The following ERC2 variants were observed in gnomAD, a reference collection of about 807,000 sequenced individuals.
ERC2 encodes the protein ELKS/RAB6-interacting/CAST family member 2.
ERC2 carries 42 observed loss-of-function variants against 114.8 expected under a neutral mutation model. The ratio of observed to expected loss-of-function variants is 0.37; its 90% confidence interval spans 0.29 to 0.47. ERC2 has a LOEUF of 0.47. Among genes scored for constraint, ERC2 ranks in the 20% least tolerant of loss-of-function variants. The pLI is 0.99. For synonymous variants in ERC2, 454 were observed against 425.5 expected, an observed-to-expected ratio of 1.07 and a Z score of -0.82; for missense variants, 939 against 1,150.7, an observed-to-expected ratio of 0.82 and a Z score of 2.66.
chr3:55,562,799 T>C (rs886982733), intron 17 of ERC2, among the ~76,000 whole-genome samples: 1 of 152,080 alleles, frequency 6.6e-6, no homozygotes, highest in African/African-American at 2.4e-5. Flanking sequence ...TCCATGCTAA[T>C]ACCTGTGTTT....
intron 1 of ERC2, among the ~76,000 whole-genome samples, chr3:56,444,897 A>G (rs1257838000): frequency 6.6e-6 from 1 of 152,126 alleles, no homozygotes; most frequent in Non-Finnish European, 1.5e-5. Flanking sequence ...GTCACAGACT[A>G]CTAATTCTAA....
At chr3:55,912,681 T>C (rs1290036307) in intron 13 of ERC2, among the ~76,000 whole-genome samples, 1 of 151,368 alleles carries the variant, frequency 6.6e-6, no homozygotes, top group East Asian at 1.9e-4. Flanking sequence ...GAATTAACAG[T>C]GGTTTTCCTT....
At chr3:56,195,530 T>C (rs557305562) in intron 3 of ERC2, among the ~76,000 whole-genome samples, 2 of 143,468 alleles carry the variant, frequency 1.4e-5, no homozygotes, top group African/African-American at 5.2e-5. Flanking sequence ...TTCTCTCCAA[T>C]TAAAATAGGA....
At chr3:55,575,928 G>A (rs973510565) in intron 17 of ERC2, among the ~76,000 whole-genome samples, 2 of 152,164 alleles carry the variant, frequency 1.3e-5, no homozygotes, top group African/African-American at 2.4e-5. Flanking sequence ...CACTTACAAA[G>A]GAGTAAACTG....
intron 9 of ERC2, among the ~76,000 whole-genome samples, chr3:56,008,562 C>T (rs1046498127): frequency 3.3e-5 from 5 of 152,298 alleles, no homozygotes; most frequent in Admixed American, 6.5e-5. Flanking sequence ...TCCCTGCTGA[C>T]GGCAACTGCA....
At chr3:56,337,889 G>T (rs1473077010) in intron 2 of ERC2, among the ~76,000 whole-genome samples, 1 of 152,178 alleles carries the variant, frequency 6.6e-6, no homozygotes, top group East Asian at 1.9e-4. Flanking sequence ...ATGATGAAAT[G>T]ATGGTATATT....
intron 6 of ERC2, among the ~76,000 whole-genome samples, chr3:56,115,976 A>T (rs1268833845): frequency 6.6e-6 from 1 of 152,280 alleles, no homozygotes; most frequent in African/African-American, 2.4e-5. Flanking sequence ...AGATTATTCA[A>T]ACGAGCTAAT....
intron 13 of ERC2, among the ~76,000 whole-genome samples, chr3:55,944,016 C>T (rs2066975455): frequency 1.3e-5 from 2 of 152,114 alleles, no homozygotes; most frequent in African/African-American, 4.8e-5. Flanking sequence ...ATTTCAGGGA[C>T]CAAAAGCCAC....
intron 15 of ERC2, among the ~76,000 whole-genome samples, chr3:55,701,475 A>C (rs1187388020): frequency 6.6e-6 from 1 of 152,198 alleles, no homozygotes; most frequent in Non-Finnish European, 1.5e-5. Context: ...TATCTGCCAG[A>C]GGATGTCTTA....
intron 3 of ERC2, among the ~76,000 whole-genome samples, chr3:56,234,678 T>C (rs1246950511): frequency 2.0e-5 from 3 of 152,130 alleles, no homozygotes; most frequent in Admixed American, 6.6e-5. Context: ...AAGTCCAAGA[T>C]TGAGGGGCCA....
chr3:56,418,486 C>T (rs1253397270), intron 2 of ERC2, among the ~76,000 whole-genome samples: 4 of 152,130 alleles, frequency 2.6e-5, no homozygotes, highest in African/African-American at 9.7e-5. Flanking sequence ...TCAACCCTAG[C>T]TTTGCCACTT....
At position 55,952,177 on chromosome 3, in the gene ERC2, ACACTCTCT is replaced by A. The variant is rs1240333747; in HGVS notation, c.2268-1625_2268-1618del. 3.7e-3 allele frequency among the ~76,000 whole-genome samples: 142 copies of A among 38,702 alleles called. 4 individuals carry two copies. Among genetic ancestry groups the A allele is most frequent in the Admixed American group, 7.0e-3 (26 of 3,698 alleles). 25.4% of individuals were successfully genotyped at this position (38,702 alleles called of 152,430 possible). A position where few individuals can be genotyped will look rare whatever the true frequency, so the allele number is the denominator to read the frequency against. ...CACACACACACACACACACACACAC[ACACTCTCT>A]CTCTCTCTCTCTCTATATATATATA... On this transcript the variant is annotated intron_variant, in intron 12 of 17. Coordinates refer to ENST00000288221, the MANE Select transcript of ERC2 (RefSeq NM_015576.3).
intron 17 of ERC2, among the ~76,000 whole-genome samples, chr3:55,551,577 G>A (rs1407848709): frequency 1.3e-5 from 2 of 152,100 alleles, no homozygotes; most frequent in African/African-American, 4.8e-5. Context: ...TGGCTCACGT[G>A]TTTAGAGGTA....
intron 17 of ERC2, among the ~76,000 whole-genome samples, chr3:55,588,051 T>C (rs1203877593): frequency 1.3e-5 from 2 of 152,034 alleles, no homozygotes; most frequent in African/African-American, 4.8e-5. Flanking sequence ...ATAAGTAAAA[T>C]AAAGTTATCC....
At chr3:55,570,069 A>G (rs1003848076) in intron 17 of ERC2, among the ~76,000 whole-genome samples, 1 of 152,032 alleles carries the variant, frequency 6.6e-6, no homozygotes, top group Non-Finnish European at 1.5e-5. Context: ...CATGTTGGCC[A>G]GGCTGGTCTT....
chr3:55,859,592 C>G (rs1005039822), intron 14 of ERC2, among the ~76,000 whole-genome samples: 8 of 152,056 alleles, frequency 5.3e-5, no homozygotes, highest in South Asian at 2.1e-4. Context: ...GTTTTTTTAG[C>G]ATGTGGTAAT....
chr3:55,714,657 GTGTGTGTGTGTATATATATATATATATA>G (rs1559538567), intron 15 of ERC2, among the ~76,000 whole-genome samples: 2 of 66,104 alleles, frequency 3.0e-5, no homozygotes, highest in East Asian at 3.5e-4. Flanking sequence ...GTGTGTGTGT[GTGTGTGTGTGTATATATATATATATATA>G]TATATATATA....
intron 4 of ERC2, among the ~76,000 whole-genome samples, chr3:56,155,134 C>T (rs557199433): frequency 3.2e-4 from 48 of 152,200 alleles, no homozygotes; most frequent in Non-Finnish European, 5.7e-4. Flanking sequence ...TTGGTCTGCC[C>T]AGCTTCCTTT....
At chr3:55,744,143 C>T (rs1174161491) in intron 14 of ERC2, among the ~76,000 whole-genome samples, 2 of 152,176 alleles carry the variant, frequency 1.3e-5, no homozygotes, top group African/African-American at 2.4e-5. Flanking sequence ...TGGATCATGC[C>T]TGTAATCCCA....
Sources: allele counts gnomAD v4.1 joint callset (sites outside exome capture counted in the v4.1 genomes callset), GRCh38; gene constraint gnomAD v4.1.1; transcripts MANE v1.5; gene names NCBI Gene and HGNC (gene_info 2026-07-23, HGNC 2026-07-21).